FGF12: variants seen among roughly 807,000 people sequenced by gnomAD.
The protein encoded by FGF12 is fibroblast growth factor 12, also known as fibroblast growth factor 12B.
A neutral mutation model predicts 23.6 loss-of-function variants in FGF12; 14 were observed. The observed-to-expected ratio is 0.59, with a 90% CI of 0.39 to 0.93. The LOEUF (loss-of-function observed/expected upper bound fraction) is 0.93, where lower values mean the gene tolerates loss of function less well. Ranked by LOEUF, FGF12 falls within the 40% of genes least tolerant of loss-of-function variation. The pLI is 0.00. For missense variants in FGF12, 175 were observed against 217.8 expected, an observed-to-expected ratio of 0.80 and a Z score of 1.24; for synonymous variants, 62 against 77.3, an observed-to-expected ratio of 0.80 and a Z score of 1.04.
chr3:192,253,727 C>T (rs536093454), intron 4 of FGF12, among the ~76,000 whole-genome samples: 6 of 151,954 alleles, frequency 3.9e-5, no homozygotes, highest in Admixed American at 3.3e-4. Flanking sequence ...CTGAGACTCT[C>T]GGCATAAAAA....
At chr3:192,677,036 C>T (rs36012822) in intron 2 of FGF12, among the ~76,000 whole-genome samples, 49,602 of 152,080 alleles carry the variant, frequency 0.33, 8,970 homozygotes, top group Middle Eastern at 0.49. Context: ...TCTAGTAAGT[C>T]ACTCATCTGC....
intron 4 of FGF12, among the ~76,000 whole-genome samples, chr3:192,308,167 C>T (rs753599025): frequency 5.3e-5 from 8 of 152,112 alleles, no homozygotes; most frequent in Non-Finnish European, 1.2e-4. Flanking sequence ...ATGAAAACCA[C>T]TCTCCAACGA....
chr3:192,535,893 C>A (rs1156903304), intron 2 of FGF12, among the ~76,000 whole-genome samples: 2 of 152,112 alleles, frequency 1.3e-5, no homozygotes, highest in Non-Finnish European at 2.9e-5. Context: ...CCCCAAATAT[C>A]TGCCACATAG....
chr3:192,588,349 C>CA (rs1201739223), intron 2 of FGF12, among the ~76,000 whole-genome samples: 16,678 of 66,654 alleles, frequency 0.25, 2,555 homozygotes, highest in East Asian at 0.45. Flanking sequence ...CAATCCGTCT[C>CA]AAAAAAAAAA....
At chr3:192,255,243 T>C (rs1366822780) in intron 4 of FGF12, among the ~76,000 whole-genome samples, 1 of 152,040 alleles carries the variant, frequency 6.6e-6, no homozygotes, top group East Asian at 1.9e-4. Context: ...CAATAAAAGG[T>C]AATTTATTAT....
chr3:192,232,511 G>GTATATTTATTTA (rs1404873365), intron 4 of FGF12, among the ~76,000 whole-genome samples: 28 of 105,510 alleles, frequency 2.7e-4, no homozygotes, highest in African/African-American at 1.0e-3. Flanking sequence ...TCCCATGCAC[G>GTATATTTATTTA]TGTATTTATT....
At chr3:192,447,047 ACTCTT>A (rs1161281458) in intron 2 of FGF12, among the ~76,000 whole-genome samples, 4 of 152,154 alleles carry the variant, frequency 2.6e-5, no homozygotes, top group Non-Finnish European at 5.9e-5. Flanking sequence ...CTTTCCTAAT[ACTCTT>A]AATTTTTTCC....
intron 4 of FGF12, among the ~76,000 whole-genome samples, chr3:192,297,278 C>T (rs189101039): frequency 7.2e-5 from 11 of 152,220 alleles, no homozygotes; most frequent in South Asian, 2.1e-4. Flanking sequence ...AAATTAAAAA[C>T]GTCTTCTGGA....
At chr3:192,453,784 C>T (rs975733651) in intron 2 of FGF12, among the ~76,000 whole-genome samples, 2 of 152,080 alleles carry the variant, frequency 1.3e-5, no homozygotes, top group Admixed American at 6.6e-5. Flanking sequence ...CAATTTCACG[C>T]TCATATTGAT....
At chr3:192,171,884 C>T (rs1715584731) in intron 4 of FGF12, among the ~76,000 whole-genome samples, 1 of 152,026 alleles carries the variant, frequency 6.6e-6, no homozygotes, top group Non-Finnish European at 1.5e-5. Context: ...TGCTCTCTCT[C>T]TCTCTTTCTC....
At chr3:192,419,642 C>T (rs1283130814) in intron 2 of FGF12, among the ~76,000 whole-genome samples, 2 of 152,068 alleles carry the variant, frequency 1.3e-5, no homozygotes, top group Non-Finnish European at 2.9e-5. Context: ...GAATCAAAAT[C>T]ATTATAGGCT....
At chr3:192,235,154 G>A (rs2108588662) in intron 4 of FGF12, among the ~76,000 whole-genome samples, 1 of 152,240 alleles carries the variant, frequency 6.6e-6, no homozygotes, top group African/African-American at 2.4e-5. Flanking sequence ...AAATTTGGCT[G>A]TGAGTCCATC....
chr3:192,445,756 G>A (rs573773822), intron 2 of FGF12, among the ~76,000 whole-genome samples: 60 of 152,244 alleles, frequency 3.9e-4, no homozygotes, highest in Non-Finnish European at 7.5e-4. Context: ...GAATCCTATG[G>A]ATTCAAATAA....
chr3:192,277,277 T>C (rs1713850846), intron 4 of FGF12, among the ~76,000 whole-genome samples: 1 of 152,228 alleles, frequency 6.6e-6, no homozygotes, highest in South Asian at 2.1e-4. Context: ...ATTTTAGAGA[T>C]ATGCCTAGGC....
intron 2 of FGF12, among the ~76,000 whole-genome samples, chr3:192,416,279 A>G (rs1331707774): frequency 6.6e-6 from 1 of 152,142 alleles, no homozygotes; most frequent in Non-Finnish European, 1.5e-5. Flanking sequence ...AAGGTGACCA[A>G]TAGGACATTT....
chr3:192,619,551 A>G (rs1428861467), intron 2 of FGF12, among the ~76,000 whole-genome samples: 1 of 152,086 alleles, frequency 6.6e-6, no homozygotes, highest in Admixed American at 6.6e-5. Context: ...CTGACCTCAG[A>G]ACTTTTATTG....
intron 2 of FGF12, among the ~76,000 whole-genome samples, chr3:192,574,599 A>C (rs2108608414): frequency 6.6e-6 from 1 of 152,254 alleles, no homozygotes; most frequent in Middle Eastern, 3.4e-3. Flanking sequence ...CCCCATTCAA[A>C]CCCCTGCAAT....
At chr3:192,285,629 C>T (rs1288421442) in intron 4 of FGF12, among the ~76,000 whole-genome samples, 1 of 151,912 alleles carries the variant, frequency 6.6e-6, no homozygotes, top group South Asian at 2.1e-4. Context: ...TCACTTTCTA[C>T]CCTCTGTAAT....
intron 2 of FGF12, among the ~76,000 whole-genome samples, chr3:192,658,521 G>C (rs1716531016): frequency 6.6e-6 from 1 of 152,204 alleles, no homozygotes; most frequent in Non-Finnish European, 1.5e-5. Context: ...AGAGTTTGGA[G>C]CGTGCTAACC....
Sources: gnomAD v4.1 joint callset for allele counts (sites outside exome capture counted in the v4.1 genomes callset) on GRCh38, gnomAD v4.1.1 for gene constraint, MANE v1.5 for transcripts, NCBI Gene and HGNC (gene_info 2026-07-23, HGNC 2026-07-21) for gene names.